The following IPO9 variants were observed in gnomAD, a reference collection of about 807,000 sequenced individuals.
IPO9 encodes importin 9, also known as importin-9.
IPO9 carries 28 observed loss-of-function variants against 128.6 expected under a neutral mutation model. The observed-to-expected ratio is 0.22, with a 90% confidence interval of 0.16 to 0.30. The LOEUF (loss-of-function observed/expected upper bound fraction) is 0.30. IPO9 is among the 10% of genes least tolerant of loss of function. IPO9 has a pLI of 1.00. For synonymous variants in IPO9, 455 were observed against 475.8 expected (o/e 0.96, Z 0.57); for missense variants, 935 against 1,293.9 (o/e 0.72, Z 4.26).
chr1:201,854,653 A>G lies in IPO9; in HGVS notation c.749A>G (p.Gln250Arg). ...VVQQFTEAFVQALQIPDGPTS... is the reference protein window; with the variant it reads ...VVQQFTEAFVRALQIPDGPTS... ...CAGCAGTTCACAGAGGCCTTTGTTC[A>G]GGCCCTCCAGATACCAGATGGCCCC... is the stretch of plus-strand genomic sequence containing the variant. The change falls in exon 7 of 24, where the codon CAG becomes CGG. Residue 250 changes from glutamine to arginine, a missense_variant. Gln to Arg is a conservative substitution (Grantham distance 43). Coordinates refer to ENST00000361565, the MANE Select transcript of IPO9 (RefSeq NM_018085.5). 1.2e-6 allele frequency: 2 copies of G among 1,614,226 alleles called. No individual in the cohort carries two copies. Among genetic ancestry groups the G allele is most frequent in the East Asian group, 2.2e-5 (1 of 44,888 alleles).
At chr1:201,852,554 A>G (rs1026949967) in intron 5 of IPO9, among the ~76,000 whole-genome samples, 1 of 152,248 alleles carries the variant, frequency 6.6e-6, no homozygotes, top group African/African-American at 2.4e-5. Flanking sequence ...TGCATTGCAC[A>G]TAATAGACCC....
chr1:201,865,199 C>CTT (rs201084995), intron 14 of IPO9, among the ~76,000 whole-genome samples: 4,587 of 132,784 alleles, frequency 0.035, 112 homozygotes, highest in Non-Finnish European at 0.048. Context: ...AACTATTTTT[C>CTT]TTTTTTTTTT....
intron 17 of IPO9, 125 bp downstream of exon 17, chr1:201,869,843 A>C: frequency 1.6e-6 from 2 of 1,216,290 alleles, no homozygotes; most frequent in Non-Finnish European, 1.1e-6. Flanking sequence ...ATATTTACTT[A>C]GCAGATTCAG....
rs1055352337 is a variant in IPO9 at position 201,878,498 on chromosome 1, G to C, written c.*2444G>C. 1 of 152,508 alleles carries C rather than the reference G, an allele frequency of 6.6e-6. No individual in the cohort carries two copies. Among genetic ancestry groups the C allele is most frequent in the Non-Finnish European group, 1.5e-5 (1 of 68,024 alleles). The allele number at this position is 152,508 out of a possible 1,614,324, so 9.4% of individuals were successfully genotyped here. On this transcript the variant is annotated 3_prime_UTR_variant, in exon 24 of 24. Transcript: ENST00000361565. ...AAGTGGTCCTAAATCCTTTGGCAAGGGTCCTTTCTGCTCTCATGCTGATTT... is the reference window on the plus strand; with the variant it reads ...AAGTGGTCCTAAATCCTTTGGCAAGCGTCCTTTCTGCTCTCATGCTGATTT...
In IPO9 at chr1:201,879,211, G is replaced by T. The variant is rs1680837854; in HGVS notation, c.*3157G>T. The stretch of plus-strand genomic sequence containing the variant: ...AAATGACCCAAAAGCACCTAAATAA[G>T]AGTGACGAGAGTTTAACAGACATTC... On this transcript the variant is annotated 3_prime_UTR_variant, in exon 24 of 24. Transcript: ENST00000361565. 1 of 152,166 alleles carries T rather than the reference G, an allele frequency of 6.6e-6. No homozygotes were observed. The highest frequency in any genetic ancestry group is 1.5e-5 in the Non-Finnish European group (1 of 68,046). The allele number at this position is 152,166 out of a possible 1,614,324, so 9.4% of individuals were successfully genotyped here. A position where few individuals can be genotyped will look rare whatever the true frequency, so the allele number is the denominator to read the frequency against.
At chr1:201,852,064 C>A in intron 4 of IPO9, 40 bp from the exon 5 acceptor site, 5 of 1,232,908 alleles carry the variant, frequency 4.1e-6, no homozygotes, top group Non-Finnish European at 6.0e-6. Flanking sequence ...CTTTATGAAG[C>A]AGTATTTTTT....
chr1:201,866,871 C>T lies in IPO9; in HGVS notation c.1767C>T (p.Ile589=), dbSNP rs202155302. 77 of 1,614,114 alleles carry T rather than the reference C, an allele frequency of 4.8e-5. No individual in the cohort carries two copies. The highest frequency in any genetic ancestry group is 1.6e-4 in the Middle Eastern group (1 of 6,062). The change falls in exon 15 of 24, where the codon ATC becomes ATT. Residue 589 remains isoleucine, a synonymous_variant. Transcript: ENST00000361565. ...VLNLVMETLC[I]VCTVDPEFTA... ...ACCTGGTGATGGAGACCCTGTGCAT[C>T]GTTTGTACAGTAGACCCCGAATTCA...
chr1:201,860,413 C>T (rs974026561), intron 13 of IPO9, among the ~76,000 whole-genome samples: 2 of 152,180 alleles, frequency 1.3e-5, no homozygotes, highest in Non-Finnish European at 2.9e-5. Context: ...TGTTTTCTTA[C>T]TCCTACTAGT....
chr1:201,843,429 A>G (rs1237849105), intron 1 of IPO9, among the ~76,000 whole-genome samples: 5 of 152,252 alleles, frequency 3.3e-5, no homozygotes, highest in Admixed American at 3.3e-4. Context: ...GATGTGCGGG[A>G]AAAAAGACAG....
chr1:201,853,046 G>A lies in IPO9; in HGVS notation c.639G>A (p.Glu213=), dbSNP rs766926811. 1.2e-6 allele frequency: 2 copies of A among 1,614,108 alleles called. No individual in the cohort carries two copies. The highest frequency in any genetic ancestry group is 1.7e-5 in the Admixed American group (1 of 60,012). Reference sequence around the variant, plus strand: ...TTCGAACCCGTTCCCGAGCCGTGGAGATTTTTACCACTTGTGCCCATATGA... The same window carrying A: ...TTCGAACCCGTTCCCGAGCCGTGGAAATTTTTACCACTTGTGCCCATATGA... ...YGIRTRSRAV[E]IFTTCAHMIC... Residue 213 remains glutamate, a synonymous_variant, in exon 6 of 24, where the codon GAG becomes GAA. Transcript: ENST00000361565.
At chr1:201,864,281 A>T (rs978638839) in intron 14 of IPO9, among the ~76,000 whole-genome samples, 1 of 152,190 alleles carries the variant, frequency 6.6e-6, no homozygotes, top group African/African-American at 2.4e-5. Context: ...AGCATTCAAG[A>T]ACTGCCTGTT....
At chr1:201,831,469 C>G (rs1474956440) in intron 1 of IPO9, among the ~76,000 whole-genome samples, 1 of 152,102 alleles carries the variant, frequency 6.6e-6, no homozygotes, top group Non-Finnish European at 1.5e-5. Context: ...AGTAGTCTGG[C>G]TCCTTAATGT....
intron 12 of IPO9, 127 bp downstream of exon 12, chr1:201,858,680 CTTA>C (rs1033706794): frequency 7.6e-6 from 6 of 792,166 alleles, no homozygotes; most frequent in African/African-American, 3.5e-5. Flanking sequence ...ATTTTAATCT[CTTA>C]TTATTAAAAT....
intron 10 of IPO9, among the ~76,000 whole-genome samples, chr1:201,856,155 A>G (rs1324020151): frequency 1.4e-5 from 2 of 141,788 alleles, no homozygotes; most frequent in African/African-American, 5.3e-5. Context: ...TTTTCCCAGC[A>G]AAGTACTATA....
intron 1 of IPO9, among the ~76,000 whole-genome samples, chr1:201,831,383 T>G (rs2678204): frequency 0.31 from 47,551 of 151,930 alleles, 7,645 homozygotes; most frequent in African/African-American, 0.34. Flanking sequence ...GGTTTTGGAT[T>G]TGGTTAGAGG....
intron 19 of IPO9, among the ~76,000 whole-genome samples, chr1:201,871,861 G>A (rs1487771997): frequency 2.0e-5 from 3 of 152,112 alleles, no homozygotes; most frequent in Non-Finnish European, 4.4e-5. Context: ...ATATATTTCT[G>A]GTCTCTGTTT....
At chr1:201,863,211 G>A (rs1391448718) in intron 13 of IPO9, among the ~76,000 whole-genome samples, 1 of 152,022 alleles carries the variant, frequency 6.6e-6, no homozygotes, top group Admixed American at 6.6e-5. Context: ...AATTAGCCGG[G>A]CATGGTGGCA....
At chr1:201,848,636 A>C (rs781633836) in intron 4 of IPO9, 42 bp downstream of exon 4, 1 of 1,591,440 alleles carries the variant, frequency 6.3e-7, no homozygotes, top group Non-Finnish European at 8.6e-7. Context: ...CTTGGATCTC[A>C]AGCGACAGGA....
At chr1:201,838,341 A>G (rs1331766224) in intron 1 of IPO9, among the ~76,000 whole-genome samples, 3 of 152,208 alleles carry the variant, frequency 2.0e-5, no homozygotes, top group African/African-American at 7.2e-5. Flanking sequence ...TGTGCATTTT[A>G]GAGTGCTTTT....
Sources: allele counts gnomAD v4.1 joint callset (sites outside exome capture counted in the v4.1 genomes callset), GRCh38; gene constraint gnomAD v4.1.1; transcripts MANE v1.5; gene names NCBI Gene and HGNC (gene_info 2026-07-23, HGNC 2026-07-21).